Variants in CROCC observed in about 807,000 individuals in gnomAD.
The protein encoded by CROCC is rootletin.
In CROCC, 180 loss-of-function variants were observed where a neutral mutation model predicts 245.2. That is an observed-to-expected ratio of 0.73 (90% confidence interval 0.65 to 0.83). CROCC has a LOEUF of 0.83. CROCC is among the 40% of genes least tolerant of loss of function. The pLI is 0.00. For missense variants in CROCC, 2,688 were observed against 2,779.4 expected (o/e 0.97, Z 0.74); for synonymous variants, 1,205 against 1,241.6 (o/e 0.97, Z 0.62).
intron 1 of CROCC, among the ~76,000 whole-genome samples, chr1:16,914,731 G>A (rs2075284990): frequency 1.6e-5 from 1 of 63,674 alleles, no homozygotes; most frequent in Non-Finnish European, 3.8e-5. Context: ...CAGCGTCTCT[G>A]GAGTGGGCAT....
rs1439851691 is a variant in CROCC at position 16,944,272 on chromosome 1, C to G, written c.1981C>G (p.Leu661Val). The G allele has an allele frequency of 2.6e-6, 4 of 1,539,982 alleles. No homozygotes were observed. The Admixed American group carries it at 5.9e-5, about 23-fold the overall frequency. ...GGATGGCGCGCGGGTGCGCCGGGAG[C>G]TTGAGCGCAGGTGAGCAGCATCTCG... Reference protein sequence around the residue: ...VQDGARVRRELERSHRQLEQL... With the variant: ...VQDGARVRREVERSHRQLEQL... Residue 661 changes from leucine to valine, a missense_variant, in exon 14 of 37, where the codon CTT becomes GTT. Leu to Val is a conservative substitution (Grantham distance 32, BLOSUM62 1). Transcript: ENST00000375541.
Position 16,944,549 on chromosome 1 carries a change from C to T in CROCC, c.1991+267C>T, listed in dbSNP as rs866216089. Reference sequence around the variant, plus strand: ...ATTAAAATAACAGTAGTAATATTAGCAGTAGTATTTTAAAAATTTAGTTAG... The same window carrying T: ...ATTAAAATAACAGTAGTAATATTAGTAGTAGTATTTTAAAAATTTAGTTAG... On this transcript the variant is annotated intron_variant, in intron 14 of 36. Transcript: ENST00000375541. Among the ~76,000 whole-genome samples, 1,029 of 150,960 alleles carry T rather than the reference C, an allele frequency of 6.8e-3. 2 individuals carry two copies. The highest frequency in any genetic ancestry group is 0.018 in the African/African-American group (741 of 40,576).
chr1:16,955,939 G>A, intron 24 of CROCC, 58 bp from the exon 25 acceptor site: 3 of 1,542,722 alleles, frequency 1.9e-6, no homozygotes, highest in South Asian at 2.4e-5. Flanking sequence ...CGGCTTTTGT[G>A]TAGAGCCACT....
rs145436310 is a variant in CROCC at position 16,930,486 on chromosome 1, C to T, written c.741C>T (p.Gly247=). ...TCCGAGAACAGCTGGACCAGGCAGG[C>T]TCGGCCAACCAGGCTCTGAGTGAGG... ...AMLREQLDQA[G]SANQALSEDI... The change falls in exon 7 of 37, where the codon GGC becomes GGT. Residue 247 remains glycine (G), a synonymous_variant. Transcript: ENST00000375541. The T allele has an allele frequency of 1.9e-6, 3 of 1,612,356 alleles. No individual in the cohort carries two copies. In the African/African-American group the frequency reaches 4.0e-5, roughly 22 times the overall value.
intron 12 of CROCC, 48 bp downstream of exon 12, chr1:16,939,190 G>A (rs1358290931): frequency 1.5e-6 from 2 of 1,363,760 alleles, no homozygotes; most frequent in African/African-American, 1.5e-5. Flanking sequence ...GCCTGGGGGA[G>A]GGGCTCGCGC....
rs1030375140 is a variant in CROCC at position 16,924,212 on chromosome 1, A to T, written c.197-113A>T. The stretch of plus-strand genomic sequence containing the variant: ...TGTTTGCAGGCCTGGTGCTGCAGCC[A>T]TTCCCATCTGGACTCCTCCCAGGGG... On this transcript the variant is annotated intron_variant, in intron 2 of 36. Coordinates refer to ENST00000375541, the MANE Select transcript of CROCC (RefSeq NM_014675.5). 1.1e-5 allele frequency: 14 copies of T among 1,326,180 alleles called. No individual in the cohort carries two copies. In the East Asian group the frequency reaches 3.1e-4, roughly 30 times the overall value. 82.2% of individuals were successfully genotyped at this position (1,326,180 alleles called of 1,614,324 possible).
At position 16,972,345 on chromosome 1, in the gene CROCC, C is replaced by A. The variant is rs1424181254; in HGVS notation, c.5968-15C>A. 6.2e-7 allele frequency: 1 copy of A among 1,612,490 alleles called. No individual in the cohort carries two copies. Among genetic ancestry groups the A allele is most frequent in the Non-Finnish European group, 8.5e-7 (1 of 1,178,544 alleles). On this transcript the variant is annotated splice_polypyrimidine_tract_variant and intron_variant, in intron 36 of 36. Transcript: ENST00000375541. ...CTGAGGACCTGGCTGGCCTTACCTTCCCTTTCTTCCCCAGGTGTCCACACT... is the reference window on the plus strand; with the variant it reads ...CTGAGGACCTGGCTGGCCTTACCTTACCTTTCTTCCCCAGGTGTCCACACT...
chr1:16,930,395 G>A (rs558275516), intron 6 of CROCC, 34 bp from the exon 7 acceptor site: 24 of 1,611,216 alleles, frequency 1.5e-5, no homozygotes, highest in African/African-American at 8.0e-5. Context: ...GGCCCCCTGC[G>A]CGAGCGCCTA....
At chr1:16,959,361 C>G (rs561652007) in intron 26 of CROCC, among the ~76,000 whole-genome samples, 4 of 152,110 alleles carry the variant, frequency 2.6e-5, no homozygotes, top group African/African-American at 9.7e-5. Flanking sequence ...TCAGAGAGGT[C>G]GAGGGATCTA....
chr1:16,931,329 G>A lies in CROCC; in HGVS notation c.888G>A (p.Leu296=). The part of the protein sequence containing the change: ...NAYFSNEHSR[L]LLLWRQVVGF... ...ACTTCAGCAACGAGCACAGTCGCCT[G>A]CTCCTCCTCTGGAGGCAGGTGGTGG... is the stretch of plus-strand genomic sequence containing the variant. The change falls in exon 8 of 37, where the codon CTG becomes CTA. Residue 296 remains leucine, a synonymous_variant. Transcript: ENST00000375541. 6.2e-7 allele frequency: 1 copy of A among 1,612,728 alleles called. No individual in the cohort carries two copies. The highest frequency in any genetic ancestry group is 8.5e-7 in the Non-Finnish European group (1 of 1,179,026).
rs1365647845 is a variant in CROCC, at chr1:16,958,569, C to G, written c.3865-14C>G. ...GGCAGAGCTGAACCTGCTGCCATTC[C>G]CGTGCTCTCACAGATGAAGATGCTG... On this transcript the variant is annotated splice_polypyrimidine_tract_variant and intron_variant, in intron 25 of 36. Coordinates refer to ENST00000375541, the MANE Select transcript of CROCC (RefSeq NM_014675.5). 4 of 1,549,744 alleles carry G rather than the reference C, an allele frequency of 2.6e-6. No individual in the cohort carries two copies. In the African/African-American group the frequency reaches 5.5e-5, roughly 21 times the overall value.
At position 16,946,857 on chromosome 1, in the gene CROCC, C is replaced by G; in HGVS notation, c.2380C>G (p.Arg794Gly). The G allele has an allele frequency of 6.4e-7, 1 of 1,555,942 alleles. No individual in the cohort carries two copies. The highest frequency in any genetic ancestry group is 2.4e-5 in the East Asian group (1 of 41,428). ...AGAGCAGGAACGGCTAGAGGAGCTG[C>G]GGTTGGAGCAGGAGGTGGCGCGGCA... ...REEQERLEEL[R>G]LEQEVARQGL... is the part of the protein sequence containing the mutation. The change falls in exon 17 of 37, where the codon CGG (arginine) becomes GGG (glycine). Residue 794 changes from arginine to glycine, a missense_variant. Physicochemically the swap from Arg to Gly is moderately radical, Grantham distance 125 (BLOSUM62 -2). Transcript: ENST00000375541.
chr1:16,930,002 G>C lies in CROCC; in HGVS notation c.508G>C (p.Ala170Pro). The change falls in exon 4 of 37, where the codon GCC (alanine) becomes CCC (proline). Residue 170 changes from alanine to proline, a missense_variant. By Grantham distance (27) the Ala-to-Pro change is conservative (BLOSUM62 -1). Transcript: ENST00000375541. Reference sequence around the variant, plus strand: ...CTACCAGGAGGGCCAGCAGCGGCAGGCCCAGCTTGTGCAGCGGCTGCAGGG... The same window carrying C: ...CTACCAGGAGGGCCAGCAGCGGCAGCCCCAGCTTGTGCAGCGGCTGCAGGG... ...QAYQEGQQRQAQLVQRLQGKI... is the reference protein window; with the variant it reads ...QAYQEGQQRQPQLVQRLQGKI... The C allele has an allele frequency of 1.3e-6, 2 of 1,583,058 alleles. No homozygotes were observed. The highest frequency in any genetic ancestry group is 8.6e-7 in the Non-Finnish European group (1 of 1,168,478).
At chr1:16,924,958 G>A (rs924891395) in intron 3 of CROCC, among the ~76,000 whole-genome samples, 3 of 152,286 alleles carry the variant, frequency 2.0e-5, no homozygotes, top group African/African-American at 7.2e-5. Flanking sequence ...ACTGCCTATT[G>A]GAATGAGTTC....
chr1:16,970,084 C>T, intron 33 of CROCC, 150 bp downstream of exon 33: 1 of 1,244,964 alleles, frequency 8.0e-7, no homozygotes, highest in Non-Finnish European at 1.1e-6. Flanking sequence ...TCCTGTTATA[C>T]AGATGGAGAA....
chr1:16,948,477 T>C lies in CROCC; in HGVS notation c.2661T>C (p.Ala887=), dbSNP rs776418163. 288 of 1,555,298 alleles carry C rather than the reference T, an allele frequency of 1.9e-4. No individual in the cohort carries two copies. The highest frequency in any genetic ancestry group is 2.3e-4 in the Non-Finnish European group (267 of 1,151,294). The change falls in exon 18 of 37, where the codon GCT becomes GCC. Residue 887 remains alanine, a synonymous_variant. Transcript: ENST00000375541. The part of the protein sequence containing the change: ...EHAGLAVQLV[A]AEREGRTLSE... ...CTGGCCTGGCTGTGCAGCTGGTGGC[T>C]GCGGAGCGTGAAGGCAGGACCCTGT...
chr1:16,924,251 C>G, intron 2 of CROCC, 74 bp from the exon 3 acceptor site: 1 of 1,561,800 alleles, frequency 6.4e-7, no homozygotes, highest in East Asian at 2.3e-5. Flanking sequence ...GGATGGTTTT[C>G]TTGCCCTCCC....
chr1:16,964,945 T>C (rs1394540700), intron 27 of CROCC, among the ~76,000 whole-genome samples: 1 of 151,956 alleles, frequency 6.6e-6, no homozygotes, highest in Admixed American at 6.6e-5. Context: ...CCTCCCAGAG[T>C]GCTGGGATTA....
At chr1:16,920,874 G>C (rs2100302896), upstream of CROCC, among the ~76,000 whole-genome samples, 2 of 152,044 alleles carry the variant, frequency 1.3e-5, no homozygotes, top group East Asian at 3.9e-4. Flanking sequence ...CTCCCAAGTA[G>C]CTGGGATTAC....
Sources: allele counts gnomAD v4.1 joint callset (sites outside exome capture counted in the v4.1 genomes callset), GRCh38; gene constraint gnomAD v4.1.1; transcripts MANE v1.5; gene names NCBI Gene and HGNC (gene_info 2026-07-23, HGNC 2026-07-21).